The following LRRIQ1 variants were observed in gnomAD, a reference collection of about 807,000 sequenced individuals.
The protein encoded by LRRIQ1 is leucine-rich repeat- and IQ domain-containing protein 1.
In LRRIQ1, 210 loss-of-function variants were observed where a neutral mutation model predicts 211.9. The observed-to-expected ratio is 0.99, with a 90% confidence interval of 0.89 to 1.11. LRRIQ1 has a LOEUF of 1.11. Ranked by LOEUF, LRRIQ1 falls within the 50% of genes most tolerant of loss-of-function variation. The pLI is 0.00. For missense variants in LRRIQ1, 2,136 were observed against 1,939.5 expected, an observed-to-expected ratio of 1.10 and a Z score of -1.90; for synonymous variants, 699 against 650.1, an observed-to-expected ratio of 1.08 and a Z score of -1.14.
At chr12:85,130,730 G>A (rs1888690837) in intron 18 of LRRIQ1, among the ~76,000 whole-genome samples, 1 of 152,142 alleles carries the variant, frequency 6.6e-6, no homozygotes, top group Non-Finnish European at 1.5e-5. Flanking sequence ...TTCTGAGGGA[G>A]TACAGTGTGA....
intron 26 of LRRIQ1, among the ~76,000 whole-genome samples, chr12:85,240,763 G>T (rs936780398): frequency 1.3e-5 from 2 of 152,036 alleles, no homozygotes; most frequent in Non-Finnish European, 2.9e-5. Flanking sequence ...AATCTCAAAA[G>T]ATTACATGCT....
At position 85,057,094 on chromosome 12, in the gene LRRIQ1, A is replaced by G; in HGVS notation, c.2301A>G (p.Arg767=). The G allele has an allele frequency of 6.2e-7, 1 of 1,606,660 alleles. No homozygotes were observed. Among genetic ancestry groups the G allele is most frequent in the Non-Finnish European group, 8.5e-7 (1 of 1,177,742 alleles). ...KQNQQKKIVR[R]KRPVKCPANM... ...ATCAACAAAAGAAAATTGTTAGAAG[A>G]AAGAGACCTGTGAAATGCCCAGCCA... The change falls in exon 8 of 27, where the codon AGA becomes AGG. Residue 767 remains arginine, a synonymous_variant. Coordinates refer to ENST00000393217, the MANE Select transcript of LRRIQ1 (RefSeq NM_001079910.2).
intron 11 of LRRIQ1, among the ~76,000 whole-genome samples, chr12:85,075,219 G>A (rs1883507679): frequency 6.6e-6 from 1 of 152,034 alleles, no homozygotes; most frequent in African/African-American, 2.4e-5. Context: ...GGCTGAAGAG[G>A]GAGGATCACT....
At position 85,176,950 on chromosome 12, in the gene LRRIQ1, G is replaced by A. The variant is rs112231436; in HGVS notation, c.4822+16236G>A. On this transcript the variant is annotated intron_variant, in intron 24 of 26. Coordinates refer to ENST00000393217, the MANE Select transcript of LRRIQ1 (RefSeq NM_001079910.2). ...TTTTTGCTATCTATACAGCAGTGGC[G>A]GAATAAAAATCATATTCACCAACTT... is the stretch of plus-strand genomic sequence containing the variant. Among the ~76,000 whole-genome samples the A allele has an allele frequency of 1.3e-3, 204 of 151,844 alleles. 6 individuals are homozygous for A. In the South Asian group the frequency reaches 0.028, roughly 21 times the overall value.
intron 15 of LRRIQ1, among the ~76,000 whole-genome samples, chr12:85,121,468 T>C (rs1224477937): frequency 6.6e-6 from 1 of 152,176 alleles, no homozygotes; most frequent in Non-Finnish European, 1.5e-5. Context: ...AAGAAAAAGG[T>C]TAAAGAACTA....
chr12:85,150,737 T>C (rs2136657255), intron 19 of LRRIQ1, among the ~76,000 whole-genome samples: 1 of 151,666 alleles, frequency 6.6e-6, no homozygotes, highest in Admixed American at 6.6e-5. Context: ...ATGGCTCTGG[T>C]GAGAGAGCTT....
intron 10 of LRRIQ1, among the ~76,000 whole-genome samples, chr12:85,070,829 A>C (rs1043706993): frequency 1.3e-5 from 2 of 151,888 alleles, no homozygotes; most frequent in Non-Finnish European, 2.9e-5. Context: ...GCCATATCTT[A>C]TCCATAAAAT....
At chr12:85,180,338 T>C (rs1565887596) in intron 24 of LRRIQ1, among the ~76,000 whole-genome samples, 1 of 152,004 alleles carries the variant, frequency 6.6e-6, no homozygotes, top group Non-Finnish European at 1.5e-5. Context: ...AACATCAATA[T>C]GTGTTTTTAT....
intron 24 of LRRIQ1, among the ~76,000 whole-genome samples, chr12:85,213,772 A>G (rs11116748): frequency 0.036 from 5,478 of 152,134 alleles, 322 homozygotes; most frequent in African/African-American, 0.13. Flanking sequence ...AGTAACAATA[A>G]CAAAAACACC....
rs566479677 is a variant in LRRIQ1, at chr12:85,078,665, C to T, written c.2887+5567C>T. 1.5e-4 allele frequency among the ~76,000 whole-genome samples: 23 copies of T among 152,138 alleles called. 3 individuals carry two copies. In the Middle Eastern group the frequency reaches 0.037, roughly 247 times the overall value. The stretch of plus-strand genomic sequence containing the variant: ...GACCAGTTTCATCATTTTAAAACGT[C>T]TCTTTTCATAGGTAGTAAAGCTTTC... On this transcript the variant is annotated intron_variant, in intron 11 of 26. Coordinates refer to ENST00000393217, the MANE Select transcript of LRRIQ1 (RefSeq NM_001079910.2).
intron 26 of LRRIQ1, chr12:85,233,121 T>G: frequency 4.6e-6 from 1 of 218,900 alleles, no homozygotes; most frequent in Non-Finnish European, 9.0e-6. Flanking sequence ...ACTCAGAAAA[T>G]CCAACCATAT....
At chr12:85,160,515 A>AT (rs890759205) in intron 23 of LRRIQ1, 98 bp from the exon 24 acceptor site, 1,919 of 621,206 alleles carry the variant, frequency 3.1e-3, no homozygotes, top group East Asian at 4.7e-3. Context: ...TATAAAGTGG[A>AT]TTTTTTTTTT....
intron 24 of LRRIQ1, among the ~76,000 whole-genome samples, chr12:85,193,673 C>T (rs1457855135): frequency 6.6e-6 from 1 of 151,844 alleles, no homozygotes; most frequent in Non-Finnish European, 1.5e-5. Flanking sequence ...CTAAAGGAAG[C>T]ACTAAACATG....
intron 12 of LRRIQ1, 38 bp from the exon 13 acceptor site, chr12:85,098,829 T>G (rs1886121722): frequency 7.1e-7 from 1 of 1,402,396 alleles, no homozygotes; most frequent in Admixed American, 2.4e-5. Context: ...ATAAAATATT[T>G]TGCTTAATAT....
At chr12:85,269,234 G>C (rs1487106673), downstream of LRRIQ1, among the ~76,000 whole-genome samples, 2 of 152,016 alleles carry the variant, frequency 1.3e-5, no homozygotes, top group Middle Eastern at 3.4e-3. Flanking sequence ...CCAATCTATA[G>C]GCTTCAGGGT....
intron 11 of LRRIQ1, among the ~76,000 whole-genome samples, chr12:85,081,420 TCTC>T (rs1884267980): frequency 6.6e-6 from 1 of 151,456 alleles, no homozygotes; most frequent in South Asian, 2.1e-4. Context: ...TTCTCCTTCC[TCTC>T]CTCTGTTGTC....
At chr12:85,048,558 CAAAA>C (rs35906760) in intron 6 of LRRIQ1, 3 of 77,950 alleles carry the variant, frequency 3.8e-5, no homozygotes, top group Admixed American at 1.3e-4. Flanking sequence ...GACTCCGTCT[CAAAA>C]AAAAAAAAAA....
At chr12:85,198,095 A>G (rs964464489) in intron 24 of LRRIQ1, among the ~76,000 whole-genome samples, 5 of 116,604 alleles carry the variant, frequency 4.3e-5, no homozygotes, top group African/African-American at 1.7e-4. Flanking sequence ...ATTATATTAT[A>G]TATTATATTA....
chr12:85,209,072 G>T (rs1244900751), intron 24 of LRRIQ1, among the ~76,000 whole-genome samples: 1 of 152,104 alleles, frequency 6.6e-6, no homozygotes, highest in East Asian at 1.9e-4. Context: ...TTTAGAAAAA[G>T]GTTCCTAATT....
Sources: allele counts gnomAD v4.1 joint callset (sites outside exome capture counted in the v4.1 genomes callset), GRCh38; gene constraint gnomAD v4.1.1; transcripts MANE v1.5; gene names NCBI Gene and HGNC (gene_info 2026-07-23, HGNC 2026-07-21).